TBX20: variants seen among roughly 807,000 people sequenced by gnomAD.
TBX20 encodes T-box transcription factor TBX20.
A neutral mutation model predicts 42.9 loss-of-function variants in TBX20; 8 were observed. That is an observed-to-expected ratio of 0.19 (90% CI 0.11 to 0.34). The LOEUF is 0.34. Ranked by LOEUF, TBX20 falls within the 10% of genes least tolerant of loss-of-function variation. The pLI is 1.00. For synonymous variants in TBX20, 198 were observed against 222.8 expected, an observed-to-expected ratio of 0.89 and a Z score of 0.99; for missense variants, 411 against 566.0, an observed-to-expected ratio of 0.73 and a Z score of 2.78.
At chr7:35,216,192 C>T (rs907598358) in intron 6 of TBX20, among the ~76,000 whole-genome samples, 1 of 152,160 alleles carries the variant, frequency 6.6e-6, no homozygotes, top group African/African-American at 2.4e-5. Context: ...ACCTGGAGGG[C>T]TCATCAAAGG....
At position 35,253,827 on chromosome 7, in the gene TBX20, C is replaced by T. The variant is rs2128716666; in HGVS notation, c.-207G>A. The T allele has an allele frequency of 6.3e-6, 4 of 631,210 alleles. No homozygotes were observed. In the South Asian group the frequency reaches 8.5e-5, roughly 13 times the overall value. The allele number at this position is 631,210 out of a possible 1,614,324, so 39.1% of individuals were successfully genotyped here. A position where few individuals can be genotyped will look rare whatever the true frequency, so the allele number is the denominator to read the frequency against. On this transcript the variant is annotated 5_prime_UTR_variant, in exon 1 of 8. Transcript: ENST00000408931. ...CCGCAAAGCCCCAGAGCCGCAGAGA[C>T]TTCGAAGGCAGCCGGAGAGGAGAGG...
intron 6 of TBX20, among the ~76,000 whole-genome samples, chr7:35,221,080 A>G (rs1789674399): frequency 6.6e-6 from 1 of 152,112 alleles, no homozygotes; most frequent in Non-Finnish European, 1.5e-5. Flanking sequence ...AAATCTAAAG[A>G]GAGAAGATAA....
chr7:35,225,610 A>G (rs1193492659), intron 6 of TBX20, among the ~76,000 whole-genome samples: 1 of 152,248 alleles, frequency 6.6e-6, no homozygotes, highest in African/African-American at 2.4e-5. Flanking sequence ...AGTGCTACAT[A>G]ACACAGGAGA....
intron 5 of TBX20, among the ~76,000 whole-genome samples, chr7:35,235,211 T>A (rs1789940059): frequency 6.6e-6 from 1 of 151,678 alleles, no homozygotes; most frequent in Admixed American, 6.6e-5. Context: ...TGCCACAATA[T>A]TTAAATAAAG....
chr7:35,233,403 C>G (rs1193817170), intron 5 of TBX20, among the ~76,000 whole-genome samples: 2 of 152,190 alleles, frequency 1.3e-5, no homozygotes, highest in Non-Finnish European at 2.9e-5. Flanking sequence ...AATAGCTATG[C>G]TATGAGCATT....
At chr7:35,207,867 A>G (rs1479246693) in intron 6 of TBX20, among the ~76,000 whole-genome samples, 1 of 152,158 alleles carries the variant, frequency 6.6e-6, no homozygotes, top group Non-Finnish European at 1.5e-5. Flanking sequence ...AACTTTTGAC[A>G]TTAGGTAGTA....
chr7:35,250,952 T>C (rs1028216237), intron 1 of TBX20, among the ~76,000 whole-genome samples: 1 of 152,000 alleles, frequency 6.6e-6, no homozygotes, highest in South Asian at 2.1e-4. Context: ...ACTTGAGGGG[T>C]GAGGTATAAA....
In TBX20 at chr7:35,245,026, C is replaced by G. The variant is rs766895072; in HGVS notation, c.577G>C (p.Gly193Arg). ...ACCATCTGTTTGAGTAGTTGCTCACCGGTAAAAGGAGAATCTGGATGCACA... is the reference window on the plus strand; with the variant it reads ...ACCATCTGTTTGAGTAGTTGCTCACGGGTAAAAGGAGAATCTGGATGCACA... ...LYVHPDSPFT[G>R]EQLLKQMVSF... is the part of the protein sequence containing the mutation. The change falls in exon 4 of 8, where the codon GGT becomes CGT. Residue 193 changes from glycine to arginine, a missense_variant. Physicochemically the swap from Gly to Arg is moderately radical, Grantham distance 125 (BLOSUM62 -2). This residue lies in a region of TBX20 where 121 missense variants were observed against 165.9 expected (regional missense o/e 0.73). Transcript: ENST00000408931. 3 of 1,613,258 alleles carry G rather than the reference C, an allele frequency of 1.9e-6. No individual in the cohort carries two copies. Among genetic ancestry groups the G allele is most frequent in the African/African-American group, 1.3e-5 (1 of 74,820 alleles).
chr7:35,245,556 G>A (rs1032437439), intron 3 of TBX20, among the ~76,000 whole-genome samples: 2 of 152,128 alleles, frequency 1.3e-5, no homozygotes, highest in African/African-American at 4.8e-5. Context: ...TTTAAAGTTT[G>A]TGTTCTTTGT....
intron 1 of TBX20, among the ~76,000 whole-genome samples, chr7:35,253,168 T>A (rs958493284): frequency 6.6e-6 from 1 of 152,240 alleles, no homozygotes; most frequent in Non-Finnish European, 1.5e-5. Context: ...TAAATCCTGT[T>A]GAGCCTTAAA....
intron 6 of TBX20, among the ~76,000 whole-genome samples, chr7:35,221,493 A>G (rs1789683777): frequency 6.6e-6 from 1 of 152,186 alleles, no homozygotes; most frequent in South Asian, 2.1e-4. Flanking sequence ...CAGACAGAGA[A>G]GAAACAAGTA....
intron 7 of TBX20, 24 bp from the exon 8 acceptor site, chr7:35,202,794 A>G: frequency 6.6e-7 from 1 of 1,520,482 alleles, no homozygotes; most frequent in African/African-American, 1.4e-5. Flanking sequence ...CACTCATTAG[A>G]CTGGAAACAC....
intron 6 of TBX20, among the ~76,000 whole-genome samples, chr7:35,225,272 G>A (rs1050774602): frequency 6.6e-6 from 1 of 151,914 alleles, no homozygotes; most frequent in African/African-American, 2.4e-5. Flanking sequence ...AATGTAATGT[G>A]AGTCACATAT....
intron 6 of TBX20, among the ~76,000 whole-genome samples, chr7:35,215,257 A>C (rs1181247264): frequency 1.3e-5 from 2 of 152,240 alleles, no homozygotes; most frequent in African/African-American, 2.4e-5. Context: ...AAGCAATGGC[A>C]GTTCTTATAT....
intron 6 of TBX20, among the ~76,000 whole-genome samples, chr7:35,224,240 G>A (rs988207317): frequency 6.6e-6 from 1 of 152,164 alleles, no homozygotes; most frequent in African/African-American, 2.4e-5. Flanking sequence ...CAATTAATTT[G>A]AACAAATTAG....
chr7:35,234,757 T>C (rs1018374197), intron 5 of TBX20, among the ~76,000 whole-genome samples: 8 of 152,174 alleles, frequency 5.3e-5, no homozygotes, highest in African/African-American at 1.9e-4. Context: ...TTTAATCTAA[T>C]TCTAGGGAAA....
At chr7:35,205,204 A>G (rs1316328313) in intron 6 of TBX20, among the ~76,000 whole-genome samples, 1 of 152,162 alleles carries the variant, frequency 6.6e-6, no homozygotes, top group Non-Finnish European at 1.5e-5. Flanking sequence ...AACACAAATG[A>G]CCAATAAGGA....
intron 5 of TBX20, among the ~76,000 whole-genome samples, chr7:35,238,882 A>G (rs1790019364): frequency 6.6e-6 from 1 of 151,696 alleles, no homozygotes; most frequent in Non-Finnish European, 1.5e-5. Context: ...TCATTAATAC[A>G]CCACTAAAAT....
At chr7:35,229,334 T>C (rs1789829389) in intron 6 of TBX20, among the ~76,000 whole-genome samples, 1 of 152,214 alleles carries the variant, frequency 6.6e-6, no homozygotes, top group Non-Finnish European at 1.5e-5. Context: ...GTGCAGTAAC[T>C]GACTCCAGAC....
Sources: gnomAD v4.1 joint callset for allele counts (sites outside exome capture counted in the v4.1 genomes callset) on GRCh38, gnomAD v4.1.1 for gene constraint, gnomAD v4.1.1 regional missense constraint, MANE v1.5 for transcripts, NCBI Gene and HGNC (gene_info 2026-07-23, HGNC 2026-07-21) for gene names.